The following PAPOLG variants were observed in gnomAD, a reference collection of about 807,000 sequenced individuals.
The protein encoded by PAPOLG is PAP-gamma.
In PAPOLG, 40 loss-of-function variants were observed where a neutral mutation model predicts 99.0. The observed-to-expected ratio is 0.40, with a 90% CI of 0.31 to 0.53. The LOEUF (loss-of-function observed/expected upper bound fraction) is 0.53, where lower values mean the gene tolerates loss of function less well. Among genes scored for constraint, PAPOLG ranks in the 20% least tolerant of loss-of-function variants. The probability of loss-of-function intolerance (pLI) is 0.41; values close to 1 mark genes in which losing one functional copy is unlikely to be tolerated. For synonymous variants in PAPOLG, 310 were observed against 299.3 expected (o/e 1.04, Z -0.37); for missense variants, 675 against 884.1 (o/e 0.76, Z 3.00).
Position 60,797,295 on chromosome 2 carries a change from GTGGTTTTTGAACTGTCAAACTTTGACC to G in PAPOLG, c.*138_*164del. 1 of 1,148,694 alleles carries G rather than the reference GTGGTTTTTGAACTGTCAAACTTTGACC, an allele frequency of 8.7e-7. No individual in the cohort carries two copies. The highest frequency in any genetic ancestry group is 1.2e-6 in the Non-Finnish European group (1 of 807,936). The allele number at this position is 1,148,694 out of a possible 1,614,324, so 71.2% of individuals were successfully genotyped here. A position where few individuals can be genotyped will look rare whatever the true frequency, so the allele number is the denominator to read the frequency against. On this transcript the variant is annotated 3_prime_UTR_variant, in exon 22 of 22. Coordinates refer to ENST00000238714, the MANE Select transcript of PAPOLG (RefSeq NM_022894.4). ...CAGCCTTCAGTCTAATAACCTTGAA[GTGGTTTTTGAACTGTCAAACTTTGACC>G]TGTAGATGCTGTAGCATTCTCTCAC...
intron 15 of PAPOLG, among the ~76,000 whole-genome samples, chr2:60,788,648 G>T (rs140021111): frequency 3.3e-5 from 5 of 152,176 alleles, no homozygotes; most frequent in Non-Finnish European, 7.4e-5. Flanking sequence ...AACAAAGAAA[G>T]GAAAGCTCTT....
intron 3 of PAPOLG, among the ~76,000 whole-genome samples, chr2:60,762,635 T>G (rs1670553198): frequency 6.6e-6 from 1 of 152,132 alleles, no homozygotes; most frequent in Non-Finnish European, 1.5e-5. Context: ...AAATTTTTTT[T>G]TCTTTTTTTG....
At position 60,769,026 on chromosome 2, in the gene PAPOLG, A is replaced by T. The variant is rs915344249; in HGVS notation, c.438+136A>T. On this transcript the variant is annotated intron_variant, in intron 5 of 21. Coordinates refer to ENST00000238714, the MANE Select transcript of PAPOLG (RefSeq NM_022894.4). ...TTAATAAGAGTAGCTTTAATAAGTG[A>T]TGATTAAATCATGATTAAGAACATG... The T allele has an allele frequency of 7.3e-6, 5 of 681,824 alleles. No homozygotes were observed. The African/African-American group carries it at 9.3e-5, about 13-fold the overall frequency. The allele number at this position is 681,824 out of a possible 1,614,324, so 42.2% of individuals were successfully genotyped here.
At position 60,767,029 on chromosome 2, in the gene PAPOLG, A is replaced by C. The variant is rs112296290; in HGVS notation, c.247-1441A>C. ...ATAGTGAAAGAGAAAAGGAAGATTAATTAGGGGTAGTTTAGGATGCCATTA... is the reference window on the plus strand; with the variant it reads ...ATAGTGAAAGAGAAAAGGAAGATTACTTAGGGGTAGTTTAGGATGCCATTA... On this transcript the variant is annotated intron_variant, in intron 3 of 21. Coordinates refer to ENST00000238714, the MANE Select transcript of PAPOLG (RefSeq NM_022894.4). 6.3e-3 allele frequency among the ~76,000 whole-genome samples: 961 copies of C among 152,330 alleles called. 8 individuals carry two copies. Among genetic ancestry groups the C allele is most frequent in the African/African-American group, 0.021 (893 of 41,564 alleles).
At position 60,760,240 on chromosome 2, in the gene PAPOLG, A is replaced by G. The variant is rs140672094; in HGVS notation, c.124A>G (p.Ile42Val). 769 of 1,614,112 alleles carry G rather than the reference A, an allele frequency of 4.8e-4. 5 individuals are homozygous for G. The African/African-American group carries it at 9.4e-3, about 20-fold the overall frequency. Reference sequence around the variant, plus strand: ...TGATCATATTTACACACAGAAATTAATTGACGCCATGAAACCATTTGGAGT... The same window carrying G: ...TGATCATATTTACACACAGAAATTAGTTGACGCCATGAAACCATTTGGAGT... ...EIDHIYTQKL[I>V]DAMKPFGVFE... Residue 42 changes from isoleucine (I) to valine (V), a missense_variant, in exon 2 of 22, where the codon ATT becomes GTT. Transcript: ENST00000238714.
intron 6 of PAPOLG, among the ~76,000 whole-genome samples, chr2:60,771,064 C>A (rs1670838545): frequency 6.6e-6 from 1 of 152,030 alleles, no homozygotes; most frequent in Admixed American, 6.6e-5. Context: ...GGTCTGTTAC[C>A]ACTTGTCCAT....
rs1671827453 is a variant in PAPOLG at position 60,801,185 on chromosome 2, C to A, written c.*4025C>A. The A allele has an allele frequency of 6.6e-6, 1 of 152,156 alleles. No individual in the cohort carries two copies. Among genetic ancestry groups the A allele is most frequent in the African/African-American group, 2.4e-5 (1 of 41,382 alleles). The allele number at this position is 152,156 out of a possible 1,614,324, so 9.4% of individuals were successfully genotyped here. ...GTTCTGTAGCATGAAAACTCTCTTG[C>A]TCCTCCATGTTTGTAGTTCAGGCCA... On this transcript the variant is annotated 3_prime_UTR_variant, in exon 22 of 22. Coordinates refer to ENST00000238714, the MANE Select transcript of PAPOLG (RefSeq NM_022894.4).
chr2:60,763,692 C>T lies in PAPOLG; in HGVS notation c.246+1885C>T, dbSNP rs530897961. ...TTAATTTTTATATTTTTAGTAGAGA[C>T]GGGGTTTCACCATAATGGTCAGGCT... On this transcript the variant is annotated intron_variant, in intron 3 of 21. Coordinates refer to ENST00000238714, the MANE Select transcript of PAPOLG (RefSeq NM_022894.4). 9.3e-5 allele frequency among the ~76,000 whole-genome samples: 14 copies of T among 150,026 alleles called. No homozygotes were observed. The East Asian group carries it at 1.6e-3, about 17-fold the overall frequency.
intron 14 of PAPOLG, 157 bp from the exon 15 acceptor site, chr2:60,787,354 C>A: frequency 2.0e-6 from 1 of 489,872 alleles, no homozygotes; most frequent in Non-Finnish European, 2.6e-6. Flanking sequence ...GGATAACTTA[C>A]CAGTTCTGGA....
intron 7 of PAPOLG, among the ~76,000 whole-genome samples, chr2:60,772,791 G>A (rs1317768421): frequency 6.6e-6 from 1 of 152,152 alleles, no homozygotes; most frequent in African/African-American, 2.4e-5. Flanking sequence ...GAAAAGGGAG[G>A]AGTGTTTTAA....
At chr2:60,759,402 G>T (rs1426856283) in intron 1 of PAPOLG, among the ~76,000 whole-genome samples, 1 of 152,022 alleles carries the variant, frequency 6.6e-6, no homozygotes, top group African/African-American at 2.4e-5. Flanking sequence ...CAGAACTTCT[G>T]TTGTACTTTA....
intron 8 of PAPOLG, among the ~76,000 whole-genome samples, chr2:60,776,773 A>G (rs923300368): frequency 2.0e-5 from 3 of 152,158 alleles, no homozygotes; most frequent in African/African-American, 7.2e-5. Context: ...TAACAAGAGA[A>G]TCACCTACCC....
chr2:60,771,323 A>G (rs1670845005), intron 6 of PAPOLG, among the ~76,000 whole-genome samples, 196 bp from the exon 7 acceptor site: 1 of 152,130 alleles, frequency 6.6e-6, no homozygotes, highest in Non-Finnish European at 1.5e-5. Context: ...TGCTTTCATT[A>G]ATTGAAAGTT....
intron 17 of PAPOLG, among the ~76,000 whole-genome samples, chr2:60,792,771 C>T (rs898981040): frequency 6.6e-6 from 1 of 152,214 alleles, no homozygotes; most frequent in Non-Finnish European, 1.5e-5. Flanking sequence ...CACAGTTGCT[C>T]ACGCCTGTAA....
At chr2:60,795,215 A>G (rs1671659913) in intron 21 of PAPOLG, 195 bp downstream of exon 21, 3 of 662,228 alleles carry the variant, frequency 4.5e-6, no homozygotes, top group Non-Finnish European at 8.2e-6. Context: ...CAAAAGTCTA[A>G]AAAAGAGGCA....
intron 13 of PAPOLG, among the ~76,000 whole-genome samples, chr2:60,784,744 T>C (rs545570170): frequency 4.6e-5 from 7 of 152,312 alleles, no homozygotes; most frequent in Admixed American, 3.3e-4. Context: ...AACATAGCCA[T>C]GTTTCTTCGT....
At chr2:60,768,387 C>T in intron 3 of PAPOLG, 83 bp from the exon 4 acceptor site, 3 of 1,405,872 alleles carry the variant, frequency 2.1e-6, no homozygotes. Flanking sequence ...CAAGTGTGAG[C>T]CACCATGCCC....
chr2:60,760,173 T>C lies in PAPOLG; in HGVS notation c.57T>C (p.Tyr19=). The C allele has an allele frequency of 2.5e-6, 4 of 1,614,092 alleles. No homozygotes were observed. Among genetic ancestry groups the C allele is most frequent in the Non-Finnish European group, 2.5e-6 (3 of 1,179,948 alleles). Residue 19 remains tyrosine, a synonymous_variant, in exon 2 of 22, where the codon TAT becomes TAC. Transcript: ENST00000238714. ...VLDSQRQQKH[Y]GITSPISLAS... is the part of the protein sequence containing the mutation. ...ACAGCCAGCGTCAACAAAAGCATTA[T>C]GGAATTACCTCCCCAATTAGTTTGG... is the stretch of plus-strand genomic sequence containing the variant.
chr2:60,768,932 T>C, intron 5 of PAPOLG, 42 bp downstream of exon 5: 1 of 1,408,066 alleles, frequency 7.1e-7, no homozygotes. Flanking sequence ...TTTAGATTAG[T>C]AACAAATATC....
Sources: gnomAD v4.1 joint callset for allele counts (sites outside exome capture counted in the v4.1 genomes callset) on GRCh38, gnomAD v4.1.1 for gene constraint, MANE v1.5 for transcripts, NCBI Gene and HGNC (gene_info 2026-07-23, HGNC 2026-07-21) for gene names.